The following DMD variants were observed in gnomAD, a reference collection of about 807,000 sequenced individuals.
The protein encoded by DMD is dystrophin, also known as mutant dystrophin.
Under a neutral mutation model 330.1 loss-of-function variants are expected in DMD, and 63 were observed. The ratio of observed to expected loss-of-function variants is 0.19; its 90% confidence interval spans 0.16 to 0.24. The LOEUF (loss-of-function observed/expected upper bound fraction) is 0.24, where lower values mean the gene tolerates loss of function less well. DMD is among the 10% of genes least tolerant of loss of function. The probability of loss-of-function intolerance (pLI) is 1.00; values close to 1 mark genes in which losing one functional copy is unlikely to be tolerated. For synonymous variants in DMD, 1,223 were observed against 959.8 expected (o/e 1.27, Z -5.07); for missense variants, 3,344 against 2,684.1 (o/e 1.25, Z -5.43).
At chrX:31,232,811 A>G (rs899634805) in intron 63 of DMD, among the ~76,000 whole-genome samples, 11 of 111,931 alleles carry the variant, frequency 9.8e-5, no homozygotes, top group Non-Finnish European at 1.5e-4. Flanking sequence ...AAGGCACTGG[A>G]AACAGAGGGA....
chrX:31,301,235 G>C (rs1021159067), intron 62 of DMD, among the ~76,000 whole-genome samples: 1 of 111,672 alleles, frequency 9.0e-6, no homozygotes, highest in East Asian at 2.8e-4. Context: ...GTTGCTGATT[G>C]GGGAAGGGTC....
intron 7 of DMD, among the ~76,000 whole-genome samples, chrX:32,706,300 G>A (rs1300240154): frequency 9.4e-6 from 1 of 106,279 alleles, no homozygotes; most frequent in African/African-American, 3.4e-5. Context: ...GAGTTAATGG[G>A]TGCAGCACAC....
intron 17 of DMD, among the ~76,000 whole-genome samples, chrX:32,539,922 C>T (rs1313319256): frequency 9.0e-6 from 1 of 111,444 alleles, no homozygotes; most frequent in Non-Finnish European, 1.9e-5. Context: ...AAAAACAGAC[C>T]AGGTGAACTG....
At chrX:32,364,896 T>G (rs1354620290) in intron 35 of DMD, 124 bp downstream of exon 35, 1 of 794,749 alleles carries the variant, frequency 1.3e-6, no homozygotes, top group East Asian at 3.4e-5. Flanking sequence ...TTATAGATAT[T>G]GAATTAAGAG....
intron 3 of DMD, among the ~76,000 whole-genome samples, chrX:32,848,166 C>T (rs778705192): frequency 4.5e-5 from 5 of 111,887 alleles, no homozygotes; most frequent in Non-Finnish European, 9.4e-5. Flanking sequence ...CAACAGCCTC[C>T]TAACAGAGGG....
chrX:32,653,065 G>A (rs909719462), intron 9 of DMD, among the ~76,000 whole-genome samples: 1 of 111,066 alleles, frequency 9.0e-6, no homozygotes, highest in African/African-American at 3.3e-5. Context: ...TTAGCCCTTT[G>A]CCAGATGATT....
chrX:33,053,317 C>T (rs2094479028), intron 1 of DMD, among the ~76,000 whole-genome samples: 1 of 111,114 alleles, frequency 9.0e-6, no homozygotes, highest in Admixed American at 9.6e-5. Context: ...TACTGTGGGC[C>T]GGGCGCGGTG....
At chrX:32,240,653 CAAG>C (rs1339987331) in intron 43 of DMD, among the ~76,000 whole-genome samples, 15 of 111,695 alleles carry the variant, frequency 1.3e-4, no homozygotes, top group Non-Finnish European at 2.4e-4. Context: ...ACTTAAGAGC[CAAG>C]AAGGTGAAGA....
chrX:31,861,671 T>C (rs2093703107), intron 48 of DMD, among the ~76,000 whole-genome samples: 1 of 97,574 alleles, frequency 1.0e-5, no homozygotes, highest in Non-Finnish European at 2.1e-5. Context: ...TGTGTGTATA[T>C]ATATACACAC....
At chrX:32,165,349 C>G (rs150837211) in intron 44 of DMD, among the ~76,000 whole-genome samples, 1 of 112,824 alleles carries the variant, frequency 8.9e-6, no homozygotes, top group African/African-American at 3.2e-5. Flanking sequence ...TCAGTGTTAC[C>G]TGGATGTGAG....
At chrX:31,231,911 T>C (rs537080145) in intron 63 of DMD, among the ~76,000 whole-genome samples, 1 of 110,132 alleles carries the variant, frequency 9.1e-6, no homozygotes, top group Non-Finnish European at 1.9e-5. Context: ...AATATTCATA[T>C]GTACTGTGGT....
Position 32,342,278 on chromosome X carries a change from A to T in DMD, c.5744T>A (p.Ile1915Asn). 1 of 1,210,928 alleles carries T rather than the reference A, an allele frequency of 8.3e-7. No homozygotes were observed. Among genetic ancestry groups the T allele is most frequent in the Non-Finnish European group, 1.1e-6 (1 of 895,334 alleles). The change falls in exon 41 of 79, where the codon ATT becomes AAT. Residue 1915 changes from isoleucine (I) to asparagine (N), a missense_variant. Coordinates refer to ENST00000357033, the MANE Select transcript of DMD (RefSeq NM_004006.3). ...TTTCTTCTTCTGCAATTCCCGATCA[A>T]TTTCCTATTGAGCAAAACCAATACA... ...EPRDERKIKE[I>N]DRELQKKKEE... is the part of the protein sequence containing the mutation.
At chrX:31,996,657 A>G (rs903490915) in intron 44 of DMD, among the ~76,000 whole-genome samples, 2 of 111,969 alleles carry the variant, frequency 1.8e-5, no homozygotes, top group African/African-American at 6.5e-5. Flanking sequence ...ATGATAAAAG[A>G]CAGTAACTCA....
chrX:31,470,022 G>A (rs972619630), intron 59 of DMD, among the ~76,000 whole-genome samples: 2 of 110,727 alleles, frequency 1.8e-5, no homozygotes, highest in Non-Finnish European at 3.8e-5. Flanking sequence ...AGCTCCTTCA[G>A]GTCATTTATG....
chrX:31,281,353 T>C (rs914677496), intron 62 of DMD, among the ~76,000 whole-genome samples: 1 of 111,407 alleles, frequency 9.0e-6, no homozygotes, highest in African/African-American at 3.3e-5. Context: ...TCTAACAGTC[T>C]TCTCATCTAA....
intron 52 of DMD, among the ~76,000 whole-genome samples, chrX:31,696,017 G>A (rs751358532): frequency 9.0e-5 from 10 of 111,308 alleles, no homozygotes; most frequent in Non-Finnish European, 1.9e-4. Context: ...TATATGGATT[G>A]AAACATCACA....
chrX:31,600,523 T>G (rs952857772), intron 55 of DMD, among the ~76,000 whole-genome samples: 11 of 102,227 alleles, frequency 1.1e-4, no homozygotes, highest in African/African-American at 1.8e-4. Context: ...TTTTTTTTTT[T>G]TTTTTTTTTT....
At chrX:32,517,760 T>C (rs952780559) in intron 18 of DMD, 1 of 426,649 alleles carries the variant, frequency 2.3e-6, no homozygotes. Flanking sequence ...TAATTTATAG[T>C]TAAATAATAT....
intron 48 of DMD, among the ~76,000 whole-genome samples, chrX:31,871,200 C>T (rs964694835): frequency 4.5e-5 from 5 of 110,842 alleles, no homozygotes; most frequent in African/African-American, 1.6e-4. Flanking sequence ...TAATTTTCAC[C>T]CTCTACATCA....
Sources: allele counts gnomAD v4.1 joint callset (sites outside exome capture counted in the v4.1 genomes callset), GRCh38; gene constraint gnomAD v4.1.1; transcripts MANE v1.5; gene names NCBI Gene and HGNC (gene_info 2026-07-23, HGNC 2026-07-21).